The following MAF variants were observed in gnomAD, a reference collection of about 807,000 sequenced individuals.
The protein encoded by MAF is MAF bZIP transcription factor, also known as transcription factor Maf.
MAF carries 10 observed loss-of-function variants against 22.0 expected under a neutral mutation model. The ratio of observed to expected loss-of-function variants is 0.45; its 90% CI spans 0.28 to 0.77. The LOEUF (loss-of-function observed/expected upper bound fraction) is 0.77. MAF is among the 30% of genes least tolerant of loss of function. MAF has a pLI of 0.12. For synonymous variants in MAF, 337 were observed against 255.8 expected (o/e 1.32, Z -3.03); for missense variants, 544 against 548.4 (o/e 0.99, Z 0.08).
At chr16:79,284,509 G>T in the MAF span, among the ~76,000 whole-genome samples, 1 of 152,130 alleles carries the variant, frequency 6.6e-6, no homozygotes, top group African/African-American at 2.4e-5. Flanking sequence ...AACATAAAAG[G>T]GCACCAGGAA....
the MAF span, among the ~76,000 whole-genome samples, chr16:79,349,787 T>G: frequency 6.6e-6 from 1 of 152,222 alleles, no homozygotes; most frequent in Admixed American, 6.5e-5. Context: ...GCTAGCTAGA[T>G]TGAAAACCTA....
chr16:79,369,983 C>T, the MAF span, among the ~76,000 whole-genome samples: 2 of 152,196 alleles, frequency 1.3e-5, no homozygotes, highest in African/African-American at 4.8e-5. Flanking sequence ...TTTCTTGGCA[C>T]TCAGTAGAAA....
the MAF span, among the ~76,000 whole-genome samples, chr16:79,220,171 G>A: frequency 6.7e-6 from 1 of 148,536 alleles, no homozygotes; most frequent in Non-Finnish European, 1.5e-5. Flanking sequence ...CAGGAGAATT[G>A]CTTGAGCCCA....
the MAF span, among the ~76,000 whole-genome samples, chr16:79,474,828 G>C: frequency 6.6e-6 from 1 of 152,086 alleles, no homozygotes; most frequent in Non-Finnish European, 1.5e-5. Context: ...CCCCCATTCT[G>C]AGCCATGTCT....
At chr16:79,210,831 A>G in the MAF span, among the ~76,000 whole-genome samples, 12 of 152,116 alleles carry the variant, frequency 7.9e-5, no homozygotes, top group African/African-American at 2.7e-4. Context: ...CACAGCCGCA[A>G]CTGTTACTCA....
At chr16:79,222,142 C>G in the MAF span, among the ~76,000 whole-genome samples, 2 of 152,046 alleles carry the variant, frequency 1.3e-5, no homozygotes, top group East Asian at 3.9e-4. Flanking sequence ...ACCCTAAAAG[C>G]CAGAAGACCT....
chr16:79,563,183 T>A, the MAF span, among the ~76,000 whole-genome samples: 3 of 152,100 alleles, frequency 2.0e-5, no homozygotes, highest in Admixed American at 2.0e-4. Context: ...TAAACCTCAA[T>A]CTGGCAGGTA....
At chr16:79,262,471 A>C in the MAF span, among the ~76,000 whole-genome samples, 9 of 152,272 alleles carry the variant, frequency 5.9e-5, no homozygotes, top group African/African-American at 1.9e-4. Context: ...CCTTAAGACA[A>C]AATCTGTTAG....
At chr16:79,515,997 A>C in the MAF span, 2 of 149,096 alleles carry the variant, frequency 1.3e-5, no homozygotes, top group African/African-American at 5.1e-5. Flanking sequence ...AAGCTAAGGT[A>C]AATGAGGACC....
the MAF span, among the ~76,000 whole-genome samples, chr16:79,347,669 G>A: frequency 6.6e-6 from 1 of 152,156 alleles, no homozygotes; most frequent in Non-Finnish European, 1.5e-5. Context: ...AGCTCCGCCG[G>A]GCTGGGGACA....
the MAF span, among the ~76,000 whole-genome samples, chr16:79,321,589 C>T: frequency 1.3e-5 from 2 of 150,182 alleles, no homozygotes; most frequent in African/African-American, 2.5e-5. Context: ...ACCAGAGGCA[C>T]AGAATCAGGA....
chr16:79,523,881 C>G, the MAF span, among the ~76,000 whole-genome samples: 1 of 152,320 alleles, frequency 6.6e-6, no homozygotes, highest in East Asian at 1.9e-4. Flanking sequence ...GATGATCATT[C>G]TTTCAATGTA....
the MAF span, among the ~76,000 whole-genome samples, chr16:79,549,054 T>C: frequency 6.6e-6 from 1 of 152,196 alleles, no homozygotes; most frequent in Non-Finnish European, 1.5e-5. Context: ...GGTTTCTTCA[T>C]CTGTAAAACA....
At chr16:79,339,364 C>T in the MAF span, among the ~76,000 whole-genome samples, 7 of 152,162 alleles carry the variant, frequency 4.6e-5, no homozygotes, top group Admixed American at 4.6e-4. Context: ...CGGCCTGGGT[C>T]ATGGGTTTTA....
At chr16:79,430,388 A>G in the MAF span, among the ~76,000 whole-genome samples, 1 of 152,118 alleles carries the variant, frequency 6.6e-6, no homozygotes, top group Non-Finnish European at 1.5e-5. Context: ...AGGTGTCAAC[A>G]CCTCGGACGC....
the MAF span, among the ~76,000 whole-genome samples, chr16:79,220,053 C>G: frequency 1.3e-5 from 2 of 151,914 alleles, no homozygotes; most frequent in African/African-American, 2.4e-5. Flanking sequence ...GTCAGGAGTT[C>G]AAGACCAGCC....
chr16:79,376,475 T>C, the MAF span, among the ~76,000 whole-genome samples: 1 of 152,166 alleles, frequency 6.6e-6, no homozygotes, highest in African/African-American at 2.4e-5. Context: ...GTTTTTTGTT[T>C]TGTTTTGTTT....
At chr16:79,470,619 A>G in the MAF span, among the ~76,000 whole-genome samples, 2 of 152,200 alleles carry the variant, frequency 1.3e-5, no homozygotes, top group African/African-American at 2.4e-5. Context: ...AACCCAGTGG[A>G]ACTTACTGGG....
At chr16:79,224,866 CACAA>C in the MAF span, among the ~76,000 whole-genome samples, 1 of 152,106 alleles carries the variant, frequency 6.6e-6, no homozygotes, top group East Asian at 1.9e-4. Context: ...TAAGAGAGGA[CACAA>C]ACAAATGGAT....
Sources: allele counts gnomAD v4.1 joint callset (sites outside exome capture counted in the v4.1 genomes callset), GRCh38; gene constraint gnomAD v4.1.1; transcripts MANE v1.5; gene names NCBI Gene and HGNC (gene_info 2026-07-23, HGNC 2026-07-21).